The following SGMS1 variants were observed in gnomAD, a reference collection of about 807,000 sequenced individuals.
SGMS1 encodes phosphatidylcholine:ceramide cholinephosphotransferase 1.
SGMS1 carries 13 observed loss-of-function variants against 46.2 expected under a neutral mutation model. That is an observed-to-expected ratio of 0.28 (90% CI 0.18 to 0.45). SGMS1 has a LOEUF of 0.45. Among genes scored for constraint, SGMS1 ranks in the 20% least tolerant of loss-of-function variants. The pLI, the probability that SGMS1 is intolerant of heterozygous loss-of-function variation, is 1.00. For synonymous variants in SGMS1, 203 were observed against 187.8 expected (o/e 1.08, Z -0.66); for missense variants, 324 against 519.9 (o/e 0.62, Z 3.66).
chr10:50,421,558 T>C (rs79876412), intron 6 of SGMS1, among the ~76,000 whole-genome samples: 192 of 152,248 alleles, frequency 1.3e-3, no homozygotes, highest in African/African-American at 4.3e-3. Flanking sequence ...CTTGCAAATT[T>C]AAACTGACCA....
chr10:50,321,026 T>C (rs1233938796), intron 8 of SGMS1, among the ~76,000 whole-genome samples: 3 of 145,540 alleles, frequency 2.1e-5, no homozygotes, highest in Non-Finnish European at 4.5e-5. Flanking sequence ...TATGCCCACA[T>C]AGGGCAGGTT....
chr10:50,624,839 C>T (rs371282359), upstream of SGMS1: 64 of 988,106 alleles, frequency 6.5e-5, no homozygotes, highest in African/African-American at 1.0e-3. Flanking sequence ...CGGTGGCCTA[C>T]AGGCAGCCCG....
chr10:50,392,292 T>C (rs945162057), intron 6 of SGMS1, among the ~76,000 whole-genome samples: 1 of 152,236 alleles, frequency 6.6e-6, no homozygotes, highest in Non-Finnish European at 1.5e-5. Context: ...GTTTTCTGTC[T>C]ATGTAATTAG....
intron 6 of SGMS1, among the ~76,000 whole-genome samples, chr10:50,419,596 C>T (rs983022265): frequency 6.6e-6 from 1 of 152,062 alleles, no homozygotes; most frequent in Non-Finnish European, 1.5e-5. Context: ...AGTCACTGTG[C>T]CCTAAACATT....
chr10:50,438,643 T>A (rs576681536), intron 5 of SGMS1, among the ~76,000 whole-genome samples: 7 of 152,366 alleles, frequency 4.6e-5, no homozygotes, highest in African/African-American at 1.7e-4. Flanking sequence ...TAGATTGTTA[T>A]GTAGCTATAG....
At chr10:50,535,835 T>C (rs1178002627) in intron 2 of SGMS1, among the ~76,000 whole-genome samples, 2 of 152,200 alleles carry the variant, frequency 1.3e-5, no homozygotes, top group Non-Finnish European at 2.9e-5. Flanking sequence ...TTGGCCTTTA[T>C]GGCTGCTACC....
At chr10:50,580,424 A>AC (rs113101457) in intron 2 of SGMS1, among the ~76,000 whole-genome samples, 5,684 of 147,858 alleles carry the variant, frequency 0.038, 242 homozygotes, top group African/African-American at 0.11. Context: ...CAAGTTAGGG[A>AC]CCCCCCCCCA....
intron 1 of SGMS1, among the ~76,000 whole-genome samples, chr10:50,619,180 T>G (rs898301269): frequency 6.6e-6 from 1 of 151,636 alleles, no homozygotes; most frequent in Non-Finnish European, 1.5e-5. Context: ...TGTTTGCTAG[T>G]GGTAGCAGGA....
At chr10:50,373,413 C>T (rs1848473070) in intron 6 of SGMS1, among the ~76,000 whole-genome samples, 1 of 152,154 alleles carries the variant, frequency 6.6e-6, no homozygotes, top group Non-Finnish European at 1.5e-5. Context: ...TTTCAAAATT[C>T]TGGATGCATT....
chr10:50,547,887 C>A (rs1838115134), intron 2 of SGMS1, among the ~76,000 whole-genome samples: 1 of 152,142 alleles, frequency 6.6e-6, no homozygotes, highest in African/African-American at 2.4e-5. Context: ...TTTGGTTCAA[C>A]ATATGCAAAT....
intron 5 of SGMS1, among the ~76,000 whole-genome samples, chr10:50,457,970 G>T (rs1184557521): frequency 6.6e-6 from 1 of 152,210 alleles, no homozygotes; most frequent in Non-Finnish European, 1.5e-5. Flanking sequence ...CTGCTAAGGT[G>T]AGTCGACCCT....
intron 3 of SGMS1, among the ~76,000 whole-genome samples, chr10:50,482,567 AG>A (rs1195096385): frequency 6.6e-6 from 1 of 152,208 alleles, no homozygotes; most frequent in Non-Finnish European, 1.5e-5. Context: ...GAAAGGAAAA[AG>A]CATTACCAGT....
intron 6 of SGMS1, among the ~76,000 whole-genome samples, chr10:50,351,259 C>G (rs1015204582): frequency 6.6e-6 from 1 of 152,152 alleles, no homozygotes; most frequent in Non-Finnish European, 1.5e-5. Context: ...AATACCTGTA[C>G]CCCTACTGCA....
intron 9 of SGMS1, among the ~76,000 whole-genome samples, chr10:50,310,305 C>T (rs1318742908): frequency 1.3e-5 from 2 of 152,128 alleles, no homozygotes; most frequent in African/African-American, 4.8e-5. Flanking sequence ...CATGGAAACC[C>T]CCCTGTATAA....
chr10:50,488,308 C>G lies in SGMS1; in HGVS notation c.-497-21376G>C, dbSNP rs558149142. Among the ~76,000 whole-genome samples the G allele has an allele frequency of 1.5e-4, 23 of 152,270 alleles. No homozygotes were observed. In the South Asian group the frequency reaches 4.8e-3, roughly 32 times the overall value. ...GGGATTACAGTTGTGAGCCACTGCA[C>G]TCGGCCTATTTCCTGATTCTTAAAA... On this transcript the variant is annotated intron_variant, in intron 3 of 10. Coordinates refer to ENST00000361781, the MANE Select transcript of SGMS1 (RefSeq NM_147156.4).
intron 6 of SGMS1, among the ~76,000 whole-genome samples, chr10:50,354,736 C>T (rs142718106): frequency 0.015 from 2,213 of 152,112 alleles, 60 homozygotes; most frequent in African/African-American, 0.051. Flanking sequence ...AACTGAAAGA[C>T]ATTTACAAGA....
intron 3 of SGMS1, among the ~76,000 whole-genome samples, chr10:50,514,223 G>A (rs565763370): frequency 1.3e-4 from 20 of 152,176 alleles, no homozygotes; most frequent in Non-Finnish European, 1.8e-4. Flanking sequence ...ATAAAAGGGC[G>A]AGGAGAAGAA....
At position 50,399,811 on chromosome 10, in the gene SGMS1, G is replaced by A. The variant is rs531154379; in HGVS notation, c.-232+33665C>T. ...TGGGAGGCCGAGGCAGGCGGATCAC[G>A]AGGTCAGGAGATCGAGACCATTCTG... On this transcript the variant is annotated intron_variant, in intron 6 of 10. Coordinates refer to ENST00000361781, the MANE Select transcript of SGMS1 (RefSeq NM_147156.4). 7.9e-5 allele frequency among the ~76,000 whole-genome samples: 12 copies of A among 152,050 alleles called. 1 individual carries two copies. In the South Asian group the frequency reaches 2.3e-3, roughly 29 times the overall value.
chr10:50,487,691 T>G (rs1464603360), intron 3 of SGMS1, among the ~76,000 whole-genome samples: 1 of 152,166 alleles, frequency 6.6e-6, no homozygotes, highest in Non-Finnish European at 1.5e-5. Flanking sequence ...AATGTACTTC[T>G]AGGTCATTAA....
Sources: gnomAD v4.1 joint callset for allele counts (sites outside exome capture counted in the v4.1 genomes callset) on GRCh38, gnomAD v4.1.1 for gene constraint, MANE v1.5 for transcripts, NCBI Gene and HGNC (gene_info 2026-07-23, HGNC 2026-07-21) for gene names.